Variants in KCNN2 observed in about 807,000 individuals in gnomAD.
KCNN2 encodes small conductance calcium-activated potassium channel protein 2.
In KCNN2, 24 loss-of-function variants were observed where a neutral mutation model predicts 55.5. The observed-to-expected ratio is 0.43, with a 90% confidence interval of 0.31 to 0.61. The LOEUF (loss-of-function observed/expected upper bound fraction) is 0.61, where lower values mean the gene tolerates loss of function less well. KCNN2 is among the 20% of genes least tolerant of loss of function. KCNN2 has a pLI of 0.08. For synonymous variants in KCNN2, 431 were observed against 336.1 expected, an observed-to-expected ratio of 1.28 and a Z score of -3.09; for missense variants, 754 against 853.6, an observed-to-expected ratio of 0.88 and a Z score of 1.45.
chr5:114,105,342 C>G (rs748174412), intron 1 of KCNN2, among the ~76,000 whole-genome samples: 1 of 151,670 alleles, frequency 6.6e-6, no homozygotes, highest in Non-Finnish European at 1.5e-5. Flanking sequence ...TATTCAGAAG[C>G]TAAATGCAAA....
chr5:114,340,971 A>G (rs1325624555), intron 2 of KCNN2, among the ~76,000 whole-genome samples: 2 of 152,178 alleles, frequency 1.3e-5, no homozygotes, highest in African/African-American at 4.8e-5. Flanking sequence ...TTAACTTGGC[A>G]TAATGTTTCC....
At chr5:114,260,637 T>C (rs1420774884) in intron 2 of KCNN2, among the ~76,000 whole-genome samples, 1 of 152,224 alleles carries the variant, frequency 6.6e-6, no homozygotes, top group East Asian at 1.9e-4. Flanking sequence ...AAGTACTTTT[T>C]AGAATGAATG....
intron 1 of KCNN2, among the ~76,000 whole-genome samples, chr5:114,191,441 G>C (rs1329304502): frequency 6.6e-6 from 1 of 152,154 alleles, no homozygotes; most frequent in Admixed American, 6.5e-5. Context: ...TTTTTGACAA[G>C]AGCCATTCAC....
intron 1 of KCNN2, among the ~76,000 whole-genome samples, chr5:114,128,874 T>G (rs2112608292): frequency 6.6e-6 from 1 of 152,352 alleles, no homozygotes; most frequent in East Asian, 1.9e-4. Context: ...TTCAGATTAA[T>G]ATTTAATTCT....
chr5:114,111,398 T>C (rs1319697544), intron 1 of KCNN2, among the ~76,000 whole-genome samples: 3 of 152,030 alleles, frequency 2.0e-5, no homozygotes, highest in Admixed American at 6.6e-5. Context: ...ACCTAGGCAA[T>C]CCCATTCAGG....
intron 2 of KCNN2, among the ~76,000 whole-genome samples, chr5:114,250,116 A>G (rs1283846688): frequency 1.3e-5 from 2 of 152,166 alleles, no homozygotes; most frequent in African/African-American, 2.4e-5. Context: ...AAATCTTTTA[A>G]TGATAGTGTG....
At chr5:114,092,745 G>C (rs952491553) in intron 1 of KCNN2, among the ~76,000 whole-genome samples, 1 of 152,214 alleles carries the variant, frequency 6.6e-6, no homozygotes, top group Non-Finnish European at 1.5e-5. Flanking sequence ...AGCCACCAAG[G>C]CTTAGGGCTT....
intron 1 of KCNN2, among the ~76,000 whole-genome samples, chr5:114,206,899 T>A (rs1244315452): frequency 6.6e-6 from 1 of 152,202 alleles, no homozygotes; most frequent in African/African-American, 2.4e-5. Flanking sequence ...CCAGCCAAGC[T>A]AATCGATTGA....
chr5:114,148,310 G>C (rs1036276139), intron 1 of KCNN2, among the ~76,000 whole-genome samples: 2 of 152,140 alleles, frequency 1.3e-5, no homozygotes, highest in African/African-American at 4.8e-5. Context: ...CAGCTCTTAA[G>C]TCTGTTACCA....
At chr5:114,477,566 C>T (rs984748556) in intron 5 of KCNN2, among the ~76,000 whole-genome samples, 1 of 152,072 alleles carries the variant, frequency 6.6e-6, no homozygotes, top group Non-Finnish European at 1.5e-5. Flanking sequence ...AAACATAATA[C>T]CATTACCTTG....
chr5:114,148,030 A>T (rs1185700840), intron 1 of KCNN2, among the ~76,000 whole-genome samples: 2 of 152,204 alleles, frequency 1.3e-5, no homozygotes, highest in East Asian at 1.9e-4. Context: ...TGTCGAATAG[A>T]TTGTAACACA....
At chr5:114,400,202 G>T (rs989775276) in intron 2 of KCNN2, among the ~76,000 whole-genome samples, 5 of 152,028 alleles carry the variant, frequency 3.3e-5, no homozygotes, top group African/African-American at 1.2e-4. Context: ...CTAGGTTGAT[G>T]TTAGGTTTTA....
At chr5:114,251,490 ATGGTCC>A (rs1754859385) in intron 2 of KCNN2, among the ~76,000 whole-genome samples, 1 of 152,202 alleles carries the variant, frequency 6.6e-6, no homozygotes, top group Non-Finnish European at 1.5e-5. Context: ...AATATATAGT[ATGGTCC>A]CTGGCACAAA....
intron 2 of KCNN2, among the ~76,000 whole-genome samples, chr5:114,223,530 C>T (rs1441654563): frequency 6.6e-6 from 1 of 152,092 alleles, no homozygotes; most frequent in Non-Finnish European, 1.5e-5. Context: ...TCTCCTTGGA[C>T]ATGCACAGAC....
At position 114,171,985 on chromosome 5, in the gene KCNN2, T is replaced by C. The variant is rs1176428043; in HGVS notation, c.-270-49495T>C. Among the ~76,000 whole-genome samples the C allele has an allele frequency of 2.6e-5, 4 of 152,048 alleles. No individual in the cohort carries two copies. The East Asian group carries it at 7.7e-4, about 29-fold the overall frequency. The stretch of plus-strand genomic sequence containing the variant: ...TCTTGTTGTGATAAAGCAGTGAAGA[T>C]GAAAAAGATGGAATGTGCTCTGGGT... On this transcript the variant is annotated intron_variant, in intron 1 of 10. Transcript: ENST00000512097.
chr5:114,107,961 A>G (rs1751522693), intron 1 of KCNN2, among the ~76,000 whole-genome samples: 2 of 152,100 alleles, frequency 1.3e-5, no homozygotes, highest in African/African-American at 4.8e-5. Context: ...GATCAAATCT[A>G]TTAGAAATGG....
chr5:114,322,149 C>T (rs979388801), intron 2 of KCNN2, among the ~76,000 whole-genome samples: 3 of 152,140 alleles, frequency 2.0e-5, no homozygotes, highest in Admixed American at 6.5e-5. Flanking sequence ...TTAAATTTTC[C>T]ATTTCTTGGG....
At chr5:114,161,489 C>G (rs1025366333) in intron 1 of KCNN2, among the ~76,000 whole-genome samples, 28 of 151,742 alleles carry the variant, frequency 1.8e-4, no homozygotes, top group African/African-American at 6.5e-4. Context: ...CTTGGAGTTG[C>G]TCTTCTCGAG....
At chr5:114,089,402 C>A (rs983169090) in intron 1 of KCNN2, among the ~76,000 whole-genome samples, 5 of 152,092 alleles carry the variant, frequency 3.3e-5, no homozygotes, top group Non-Finnish European at 7.4e-5. Context: ...TCTGGCTCAC[C>A]AGCACTGGAA....
Sources: allele counts gnomAD v4.1 joint callset (sites outside exome capture counted in the v4.1 genomes callset), GRCh38; gene constraint gnomAD v4.1.1; transcripts MANE v1.5; gene names NCBI Gene and HGNC (gene_info 2026-07-23, HGNC 2026-07-21).